PPARGC1A: variants seen among roughly 807,000 people sequenced by gnomAD.
PPARGC1A encodes PPARG coactivator 1 alpha.
PPARGC1A carries 25 observed loss-of-function variants against 88.7 expected under a neutral mutation model. The ratio of observed to expected loss-of-function variants is 0.28; its 90% CI spans 0.21 to 0.39. The LOEUF is 0.39. Ranked by LOEUF, PPARGC1A falls within the 10% of genes least tolerant of loss-of-function variation. The pLI, the probability that PPARGC1A is intolerant of heterozygous loss-of-function variation, is 1.00. For missense variants in PPARGC1A, 880 were observed against 968.7 expected, an observed-to-expected ratio of 0.91 and a Z score of 1.22; for synonymous variants, 363 against 355.6, an observed-to-expected ratio of 1.02 and a Z score of -0.24.
the PPARGC1A span, among the ~76,000 whole-genome samples, chr4:24,270,092 C>T: frequency 3.9e-5 from 6 of 152,160 alleles, no homozygotes; most frequent in African/African-American, 1.4e-4. Context: ...GCTGTGTTCC[C>T]ATCCAATGTC....
At chr4:24,003,251 C>T in the PPARGC1A span, among the ~76,000 whole-genome samples, 21 of 152,216 alleles carry the variant, frequency 1.4e-4, no homozygotes, top group South Asian at 4.2e-4. Context: ...TTCCACTACA[C>T]GGTGAAACTT....
the PPARGC1A span, among the ~76,000 whole-genome samples, chr4:24,058,446 G>A: frequency 6.6e-6 from 1 of 152,128 alleles, no homozygotes; most frequent in Admixed American, 6.5e-5. Flanking sequence ...CCTGAAATCT[G>A]CAAGCTAATT....
chr4:24,256,661 A>C, the PPARGC1A span, among the ~76,000 whole-genome samples: 10 of 152,156 alleles, frequency 6.6e-5, no homozygotes, highest in Non-Finnish European at 7.4e-5. Flanking sequence ...TGTCTACAGG[A>C]GGCAAGCAGA....
the PPARGC1A span, among the ~76,000 whole-genome samples, chr4:23,988,638 C>CACAG: frequency 1.4e-4 from 21 of 151,418 alleles, no homozygotes; most frequent in South Asian, 4.2e-3. Context: ...AATTTATATA[C>CACAG]AGAGATAGAT....
At chr4:24,014,967 G>A in the PPARGC1A span, among the ~76,000 whole-genome samples, 3 of 152,018 alleles carry the variant, frequency 2.0e-5, no homozygotes, top group East Asian at 1.9e-4. Flanking sequence ...GAATCTCAGG[G>A]GCCATCGTGA....
intron 1 of PPARGC1A, chr4:23,889,336 T>A (rs1272669060): frequency 1.0e-6 from 1 of 985,186 alleles, no homozygotes; most frequent in East Asian, 1.1e-4. Flanking sequence ...GTATAGGAGT[T>A]TTAAAGGAAG....
At chr4:24,317,203 T>G in the PPARGC1A span, among the ~76,000 whole-genome samples, 1 of 152,072 alleles carries the variant, frequency 6.6e-6, no homozygotes, top group East Asian at 1.9e-4. Flanking sequence ...CTCTATTTAT[T>G]CATGTGTTCA....
At chr4:24,252,353 T>C in the PPARGC1A span, among the ~76,000 whole-genome samples, 4 of 152,150 alleles carry the variant, frequency 2.6e-5, no homozygotes, top group East Asian at 1.9e-4. Flanking sequence ...CCTTAGGGTA[T>C]GTATGGGTGT....
At chr4:23,889,035 C>T (rs572591343) in intron 1 of PPARGC1A, 205 of 985,412 alleles carry the variant, frequency 2.1e-4, no homozygotes, top group Non-Finnish European at 2.3e-4. Context: ...CCGAGGTCCT[C>T]CGTCCCCCCA....
chr4:23,926,431 A>C, the PPARGC1A span, among the ~76,000 whole-genome samples: 1 of 152,124 alleles, frequency 6.6e-6, no homozygotes, highest in Non-Finnish European at 1.5e-5. Context: ...CCATTCCATG[A>C]TGAATGTCCT....
At chr4:23,963,005 G>A in the PPARGC1A span, among the ~76,000 whole-genome samples, 38 of 152,288 alleles carry the variant, frequency 2.5e-4, no homozygotes, top group African/African-American at 8.4e-4. Flanking sequence ...GGAATAAGCT[G>A]TAAGGTATAT....
At chr4:24,121,575 C>G in the PPARGC1A span, among the ~76,000 whole-genome samples, 5 of 152,118 alleles carry the variant, frequency 3.3e-5, no homozygotes. Flanking sequence ...CGGTTCTAGG[C>G]ACCTCAGATC....
At chr4:24,185,340 C>T in the PPARGC1A span, among the ~76,000 whole-genome samples, 1 of 152,124 alleles carries the variant, frequency 6.6e-6, no homozygotes, top group African/African-American at 2.4e-5. Context: ...ATGATTTTTC[C>T]TCTTAAAACT....
chr4:24,035,655 C>T, the PPARGC1A span, among the ~76,000 whole-genome samples: 1 of 151,920 alleles, frequency 6.6e-6, no homozygotes, highest in Admixed American at 6.6e-5. Context: ...CAATGTTTCC[C>T]AAATTATGAG....
chr4:23,889,801 C>G (rs953388099), intron 1 of PPARGC1A, 103 bp downstream of exon 1: 357 of 1,394,974 alleles, frequency 2.6e-4, no homozygotes, highest in Non-Finnish European at 3.1e-4. Flanking sequence ...GGACTACTTT[C>G]CTGGCTCCTC....
the PPARGC1A span, among the ~76,000 whole-genome samples, chr4:24,303,389 G>A: frequency 1.6e-4 from 25 of 152,260 alleles, no homozygotes; most frequent in African/African-American, 6.0e-4. Flanking sequence ...GCTGTTTACT[G>A]TATTAAAGCT....
In PPARGC1A at chr4:23,794,446, A is replaced by G. The variant is rs1717151682; in HGVS notation, c.*1376T>C. On this transcript the variant is annotated 3_prime_UTR_variant, in exon 13 of 13. Transcript: ENST00000264867. ...TTTCTTGACAAGATGCTTAGATTGA[A>G]GCTCACCTAAGGGATGGATGTGCGG... The G allele has an allele frequency of 6.6e-6, 1 of 152,512 alleles. No individual in the cohort carries two copies. The highest frequency in any genetic ancestry group is 2.1e-4 in the South Asian group (1 of 4,832). 9.4% of individuals were successfully genotyped at this position (152,512 alleles called of 1,614,324 possible).
chr4:23,909,701 T>C, the PPARGC1A span, among the ~76,000 whole-genome samples: 1 of 151,692 alleles, frequency 6.6e-6, no homozygotes, highest in Non-Finnish European at 1.5e-5. Flanking sequence ...CTCTTTGAAA[T>C]GGGCCAAGAC....
chr4:24,121,144 T>A, the PPARGC1A span, among the ~76,000 whole-genome samples: 1 of 152,184 alleles, frequency 6.6e-6, no homozygotes, highest in Non-Finnish European at 1.5e-5. Flanking sequence ...GGACTTCCAG[T>A]GGGGCTGGAT....
Sources: allele counts gnomAD v4.1 joint callset (sites outside exome capture counted in the v4.1 genomes callset), GRCh38; gene constraint gnomAD v4.1.1; transcripts MANE v1.5; gene names NCBI Gene and HGNC (gene_info 2026-07-23, HGNC 2026-07-21).